YTHDC2: variants seen among roughly 807,000 people sequenced by gnomAD.
The protein encoded by YTHDC2 is YTH N6-methyladenosine RNA binding protein C2, also known as 3'-5' RNA helicase YTHDC2.
YTHDC2 carries 45 observed loss-of-function variants against 174.9 expected under a neutral mutation model. The observed-to-expected ratio is 0.26, with a 90% CI of 0.20 to 0.33. The LOEUF (loss-of-function observed/expected upper bound fraction) is 0.33. Ranked by LOEUF, YTHDC2 falls within the 10% of genes least tolerant of loss-of-function variation. The pLI, the probability that YTHDC2 is intolerant of heterozygous loss-of-function variation, is 1.00. For missense variants in YTHDC2, 1,650 were observed against 1,723.7 expected, an observed-to-expected ratio of 0.96 and a Z score of 0.76; for synonymous variants, 657 against 574.5, an observed-to-expected ratio of 1.14 and a Z score of -2.05.
chr5:113,548,454 G>T, intron 10 of YTHDC2, 87 bp from the exon 11 acceptor site: 3 of 1,321,858 alleles, frequency 2.3e-6, no homozygotes, highest in Non-Finnish European at 3.1e-6. Context: ...CTGAAACTCA[G>T]TTCTGCTATT....
intron 10 of YTHDC2, 44 bp from the exon 11 acceptor site, chr5:113,548,497 G>A (rs1776035253): frequency 1.3e-6 from 2 of 1,551,072 alleles, no homozygotes; most frequent in African/African-American, 1.4e-5. Context: ...ATGGTTTGAA[G>A]TACTTTGGAA....
At chr5:113,532,526 A>C (rs1347366963) in intron 4 of YTHDC2, among the ~76,000 whole-genome samples, 1 of 152,148 alleles carries the variant, frequency 6.6e-6, no homozygotes. Context: ...TTTGGGGAGA[A>C]GTTAACATTT....
At chr5:113,553,878 T>G in intron 15 of YTHDC2, 24 bp downstream of exon 15, 2 of 1,589,766 alleles carry the variant, frequency 1.3e-6, no homozygotes, top group Non-Finnish European at 1.7e-6. Context: ...AATCTTCTTT[T>G]TAACACTTTC....
At chr5:113,560,198 T>C (rs544238914) in intron 17 of YTHDC2, among the ~76,000 whole-genome samples, 77 of 152,308 alleles carry the variant, frequency 5.1e-4, no homozygotes, top group South Asian at 3.9e-3. Context: ...TATTTTCTAA[T>C]CTTAAAATAC....
At chr5:113,586,863 C>CTA (rs1254507129) in intron 26 of YTHDC2, among the ~76,000 whole-genome samples, 2 of 138,902 alleles carry the variant, frequency 1.4e-5, no homozygotes, top group African/African-American at 2.7e-5. Flanking sequence ...ATCTCTCTCT[C>CTA]TCTCTCTCTC....
rs1043963914 is a variant in YTHDC2, at chr5:113,517,569, G to T, written c.278+2207G>T. On this transcript the variant is annotated intron_variant, in intron 2 of 29. Coordinates refer to ENST00000161863, the MANE Select transcript of YTHDC2 (RefSeq NM_022828.5). Reference sequence around the variant, plus strand: ...GGAATGCGGAAACATTGAAGAGCCAGAGAAAGAAGAAAAAGGAAAGAGATG... The same window carrying T: ...GGAATGCGGAAACATTGAAGAGCCATAGAAAGAAGAAAAAGGAAAGAGATG... The T allele has an allele frequency of 2.0e-5, 9 of 456,256 alleles. No homozygotes were observed. In the Admixed American group the frequency reaches 2.1e-4, roughly 11 times the overall value. The allele number at this position is 456,256 out of a possible 1,614,324, so 28.3% of individuals were successfully genotyped here. A position where few individuals can be genotyped will look rare whatever the true frequency, so the allele number is the denominator to read the frequency against.
chr5:113,577,948 C>G (rs1479590539), intron 23 of YTHDC2, among the ~76,000 whole-genome samples: 1 of 151,816 alleles, frequency 6.6e-6, no homozygotes, highest in Non-Finnish European at 1.5e-5. Flanking sequence ...CTCATTAATC[C>G]TTTGGATTTT....
chr5:113,550,013 A>G (rs1776140054), intron 12 of YTHDC2, among the ~76,000 whole-genome samples: 1 of 152,154 alleles, frequency 6.6e-6, no homozygotes, highest in Admixed American at 6.6e-5. Context: ...AAAATTGTAG[A>G]AAAAACATAA....
At chr5:113,571,064 C>G (rs1448579835) in intron 23 of YTHDC2, among the ~76,000 whole-genome samples, 1 of 152,148 alleles carries the variant, frequency 6.6e-6, no homozygotes, top group Non-Finnish European at 1.5e-5. Context: ...TGACAGTTTT[C>G]AAGGAGAATG....
chr5:113,551,149 T>C (rs1776226548), intron 12 of YTHDC2, among the ~76,000 whole-genome samples: 1 of 152,082 alleles, frequency 6.6e-6, no homozygotes, highest in Non-Finnish European at 1.5e-5. Context: ...AAATTCTTGG[T>C]AGGTTTAAAT....
intron 10 of YTHDC2, among the ~76,000 whole-genome samples, chr5:113,544,331 A>C (rs905777265): frequency 6.6e-6 from 1 of 151,928 alleles, no homozygotes; most frequent in Non-Finnish European, 1.5e-5. Flanking sequence ...TTGTATTTTT[A>C]GTAGAGACGG....
intron 2 of YTHDC2, among the ~76,000 whole-genome samples, chr5:113,520,631 G>T (rs1773799559): frequency 6.6e-6 from 1 of 152,092 alleles, no homozygotes; most frequent in Non-Finnish European, 1.5e-5. Context: ...CCTGAAAGTG[G>T]ATGACTCCCA....
chr5:113,561,855 A>G (rs962242225), intron 18 of YTHDC2, among the ~76,000 whole-genome samples: 1 of 152,080 alleles, frequency 6.6e-6, no homozygotes, highest in Non-Finnish European at 1.5e-5. Context: ...CAAATTATTT[A>G]AGGTCCAAAA....
chr5:113,577,539 T>G (rs1778131274), intron 23 of YTHDC2, among the ~76,000 whole-genome samples: 2 of 152,032 alleles, frequency 1.3e-5, no homozygotes, highest in African/African-American at 4.8e-5. Context: ...CTGGCTAATG[T>G]TCATATTTTT....
intron 16 of YTHDC2, 113 bp from the exon 17 acceptor site, chr5:113,555,939 A>G (rs1289718556): frequency 1.7e-6 from 1 of 588,020 alleles, no homozygotes; most frequent in African/African-American, 1.9e-5. Context: ...TATTTAATCA[A>G]GAGAGGACTT....
At chr5:113,531,081 C>T (rs1774623444) in intron 4 of YTHDC2, among the ~76,000 whole-genome samples, 1 of 152,104 alleles carries the variant, frequency 6.6e-6, no homozygotes, top group Non-Finnish European at 1.5e-5. Flanking sequence ...TAAGGGTTTT[C>T]CCCCCACTCT....
rs1208969067 is a variant in YTHDC2, at chr5:113,542,495, A to T, written c.1487A>T (p.Asn496Ile). ...AQVFHLILTE[N>I]VSVDYRHSET... The stretch of plus-strand genomic sequence containing the variant: ...GTCTTTCATCTCATTTTAACTGAAA[A>T]TGTTAGTGGTAAGTTTATTTTAATT... Residue 496 changes from asparagine (N) to isoleucine (I), a missense_variant, in exon 10 of 30, where the codon AAT (asparagine) becomes ATT (isoleucine). By Grantham distance (149) the Asn-to-Ile change is moderately radical (BLOSUM62 -3). Transcript: ENST00000161863. The T allele has an allele frequency of 5.6e-6, 9 of 1,599,532 alleles. No homozygotes were observed. Among genetic ancestry groups the T allele is most frequent in the Non-Finnish European group, 7.7e-6 (9 of 1,175,402 alleles).
chr5:113,572,278 A>T (rs7703233), intron 23 of YTHDC2, among the ~76,000 whole-genome samples: 95,236 of 152,110 alleles, frequency 0.63, 32,275 homozygotes, highest in African/African-American at 0.9. Flanking sequence ...GTTGTGTGGT[A>T]TTGAGTGAAT....
chr5:113,591,462 G>A (rs1267149801), intron 27 of YTHDC2, among the ~76,000 whole-genome samples: 3 of 152,062 alleles, frequency 2.0e-5, no homozygotes, highest in Non-Finnish European at 4.4e-5. Flanking sequence ...GGTAAACTAT[G>A]TTTCCTTCTG....
Sources: gnomAD v4.1 joint callset for allele counts (sites outside exome capture counted in the v4.1 genomes callset) on GRCh38, gnomAD v4.1.1 for gene constraint, MANE v1.5 for transcripts, NCBI Gene and HGNC (gene_info 2026-07-23, HGNC 2026-07-21) for gene names.